Variants in PVT1 observed in about 807,000 individuals in gnomAD.
PVT1 encodes the protein CXCR4/PVT1 fusion.
chr8:128,030,335 C>A (rs1392270128), intron 4 of PVT1, among the ~76,000 whole-genome samples: 1 of 152,026 alleles, frequency 6.6e-6, no homozygotes, highest in Non-Finnish European at 1.5e-5. Flanking sequence ...ATATTAAATT[C>A]TTGCATATAC....
At chr8:127,909,198 G>T (rs1815860713) in intron 3 of PVT1, among the ~76,000 whole-genome samples, 1 of 152,228 alleles carries the variant, frequency 6.6e-6, no homozygotes, top group South Asian at 2.1e-4. Flanking sequence ...AAAATTAAAG[G>T]GAAATGGGTC....
rs1454830044 is a variant in PVT1 at position 128,077,491 on chromosome 8, A to G, written n.1114+7130A>G. On this transcript the variant is annotated intron_variant and non_coding_transcript_variant, in intron 5 of 10. Transcript: ENST00000651587. ...ATTTCCCTTTTCCTGTTTTATATGG[A>G]AAAAAAACTCATAATTTTATAAGCA... 3.9e-5 allele frequency among the ~76,000 whole-genome samples: 6 copies of G among 151,904 alleles called. No homozygotes were observed. The East Asian group carries it at 9.6e-4, about 24-fold the overall frequency.
chr8:128,013,202 A>T (rs558084650), intron 4 of PVT1, among the ~76,000 whole-genome samples: 4 of 152,186 alleles, frequency 2.6e-5, no homozygotes, highest in South Asian at 4.2e-4. Flanking sequence ...CTCTGTTTCC[A>T]TCTCCTCTGT....
rs780658567 is a variant in PVT1, at chr8:127,894,774, G to A, written n.782+3776G>A. 2.4e-4 allele frequency among the ~76,000 whole-genome samples: 37 copies of A among 152,012 alleles called. 1 individual carries two copies. Among genetic ancestry groups the A allele is most frequent in the Admixed American group, 1.4e-3 (22 of 15,280 alleles). ...TGAAGAGGACTACATTGGGGCACCG[G>A]TAATTGTTTCTATTTGCGGTACTCT... On this transcript the variant is annotated intron_variant and non_coding_transcript_variant, in intron 3 of 10. Coordinates refer to ENST00000651587, the Ensembl canonical transcript of PVT1.
At chr8:127,816,399 C>T (rs1430218623) in intron 2 of PVT1, among the ~76,000 whole-genome samples, 3 of 151,764 alleles carry the variant, frequency 2.0e-5, no homozygotes, top group Non-Finnish European at 2.9e-5. Flanking sequence ...CCTCTTATCT[C>T]GGCCTCTCAA....
rs1315117004 is a variant in PVT1, at chr8:127,834,586, A to C, written n.372+38515A>C. Reference sequence around the variant, plus strand: ...TTGACAAATGGGATCTAATTAAACTAAAGGGCTTCTGCACAGCAAAAGAAA... The same window carrying C: ...TTGACAAATGGGATCTAATTAAACTCAAGGGCTTCTGCACAGCAAAAGAAA... On this transcript the variant is annotated intron_variant and non_coding_transcript_variant, in intron 2 of 10. Transcript: ENST00000651587. 2.6e-5 allele frequency among the ~76,000 whole-genome samples: 4 copies of C among 152,352 alleles called. No individual in the cohort carries two copies. The South Asian group carries it at 8.3e-4, about 32-fold the overall frequency.
At chr8:127,815,631 A>T (rs573020201) in intron 2 of PVT1, among the ~76,000 whole-genome samples, 1 of 152,328 alleles carries the variant, frequency 6.6e-6, no homozygotes, top group South Asian at 2.1e-4. Flanking sequence ...GCAGAAATTC[A>T]TCAGGGGCGG....
chr8:128,079,828 A>G (rs1814151295), intron 5 of PVT1, among the ~76,000 whole-genome samples: 1 of 151,908 alleles, frequency 6.6e-6, no homozygotes, highest in African/African-American at 2.4e-5. Context: ...GGGTTCAAGC[A>G]ATTCTTCTGC....
At chr8:128,082,762 A>G (rs532810727) in intron 5 of PVT1, 33 of 152,246 alleles carry the variant, frequency 2.2e-4, no homozygotes, top group Non-Finnish European at 4.4e-4. Flanking sequence ...GATCTTGGAC[A>G]TGATACCTGG....
chr8:127,993,819 C>G (rs1817072752), intron 4 of PVT1, among the ~76,000 whole-genome samples: 1 of 152,220 alleles, frequency 6.6e-6, no homozygotes. Context: ...ATCCTTTCTC[C>G]TTTCTTGTAT....
chr8:127,919,656 TCTGCCTGGAAGAG>T (rs1465297431), intron 3 of PVT1, among the ~76,000 whole-genome samples: 1 of 152,200 alleles, frequency 6.6e-6, no homozygotes, highest in East Asian at 1.9e-4. Flanking sequence ...TGACCTTCCC[TCTGCCTGGAAGAG>T]CTGCCTGGCC....
At position 127,984,837 on chromosome 8, in the gene PVT1, T is replaced by TTTTCTTTC. The variant is rs71300287; in HGVS notation, n.783-4247_783-4240dup. ...TGGCCAGGCTGGTTTCTTTCTTTTC[T>TTTTCTTTC]TTTCTTTCTTTCTTTCTTTCTTTCT... On this transcript the variant is annotated intron_variant and non_coding_transcript_variant, in intron 3 of 10. Transcript: ENST00000651587. Among the ~76,000 whole-genome samples the TTTTCTTTC allele has an allele frequency of 6.6e-3, 537 of 81,230 alleles. 29 individuals carry two copies. Among genetic ancestry groups the TTTTCTTTC allele is most frequent in the Middle Eastern group, 7.8e-3 (1 of 128 alleles). The allele number at this position is 81,230 out of a possible 152,430, so 53.3% of individuals were successfully genotyped here. A position where few individuals can be genotyped will look rare whatever the true frequency, so the allele number is the denominator to read the frequency against.
At chr8:127,835,411 A>C (rs568634513) in intron 2 of PVT1, among the ~76,000 whole-genome samples, 1 of 151,160 alleles carries the variant, frequency 6.6e-6, no homozygotes, top group African/African-American at 2.4e-5. Flanking sequence ...ACATATGGAC[A>C]CAGGGAGGGG....
chr8:128,050,745 A>G (rs1035138055), intron 4 of PVT1, among the ~76,000 whole-genome samples: 1 of 152,108 alleles, frequency 6.6e-6, no homozygotes, highest in Admixed American at 6.5e-5. Flanking sequence ...TGTGAGAAGA[A>G]CCTGTCTAAA....
At chr8:127,891,008 T>C (rs1489592302) in intron 3 of PVT1, 1 of 152,662 alleles carries the variant, frequency 6.6e-6, no homozygotes, top group African/African-American at 2.4e-5. Context: ...GGTGAGGCTG[T>C]CCTGGCTGGT....
intron 2 of PVT1, among the ~76,000 whole-genome samples, chr8:127,889,215 C>T (rs760229030): frequency 6.6e-6 from 1 of 151,788 alleles, no homozygotes; most frequent in Non-Finnish European, 1.5e-5. Context: ...CTGCAACCTC[C>T]GTCTCCTTGG....
chr8:127,842,939 G>A (rs1486534426), intron 2 of PVT1, among the ~76,000 whole-genome samples: 4 of 152,154 alleles, frequency 2.6e-5, no homozygotes, highest in African/African-American at 7.2e-5. Context: ...GGGCTAGAAG[G>A]CCAGGTCACA....
At chr8:127,866,730 A>G (rs1815289626) in intron 2 of PVT1, among the ~76,000 whole-genome samples, 1 of 152,200 alleles carries the variant, frequency 6.6e-6, no homozygotes, top group Admixed American at 6.5e-5. Context: ...GAAGGCAGAC[A>G]TCACTGCAGG....
intron 2 of PVT1, among the ~76,000 whole-genome samples, chr8:127,864,712 T>TA (rs1226371283): frequency 6.6e-6 from 1 of 151,968 alleles, no homozygotes; most frequent in East Asian, 1.9e-4. Context: ...CACGCCCGGC[T>TA]ATTTTTTTTG....
Sources: gnomAD v4.1 joint callset for allele counts (sites outside exome capture counted in the v4.1 genomes callset) on GRCh38, gnomAD v4.1.1 for gene constraint, MANE v1.5 for transcripts, NCBI Gene and HGNC (gene_info 2026-07-23, HGNC 2026-07-21) for gene names.